Variants in GRIK4 observed in about 807,000 individuals in gnomAD.
GRIK4 encodes the protein glutamate ionotropic receptor kainate type subunit 4.
In GRIK4, 40 loss-of-function variants were observed where a neutral mutation model predicts 104.9. The observed-to-expected ratio is 0.38, with a 90% CI of 0.30 to 0.50. The LOEUF (loss-of-function observed/expected upper bound fraction) is 0.50. GRIK4 is among the 20% of genes least tolerant of loss of function. The probability of loss-of-function intolerance (pLI) is 0.93; values close to 1 mark genes in which losing one functional copy is unlikely to be tolerated. For synonymous variants in GRIK4, 485 were observed against 524.9 expected (o/e 0.92, Z 1.04); for missense variants, 1,047 against 1,308.1 (o/e 0.80, Z 3.08).
At chr11:120,530,964 T>G (rs1057501440) in intron 1 of GRIK4, among the ~76,000 whole-genome samples, 4 of 152,190 alleles carry the variant, frequency 2.6e-5, no homozygotes, top group African/African-American at 9.7e-5. Flanking sequence ...CGGTGTGACT[T>G]TGATCAAGTC....
At chr11:120,713,686 C>T (rs1413908857) in intron 3 of GRIK4, among the ~76,000 whole-genome samples, 3 of 152,084 alleles carry the variant, frequency 2.0e-5, no homozygotes, top group Non-Finnish European at 2.9e-5. Context: ...CTGGGAAACT[C>T]GGTGAGGTAG....
At chr11:120,899,246 G>A (rs1942666619) in intron 12 of GRIK4, among the ~76,000 whole-genome samples, 1 of 151,776 alleles carries the variant, frequency 6.6e-6, no homozygotes. Context: ...GCGAAACCCT[G>A]TCTCTACTAA....
chr11:120,815,794 G>T (rs1009032316), intron 5 of GRIK4, among the ~76,000 whole-genome samples: 2 of 152,280 alleles, frequency 1.3e-5, no homozygotes, highest in Admixed American at 1.3e-4. Flanking sequence ...TGATGGGCAT[G>T]GCAGGCCAAG....
intron 3 of GRIK4, among the ~76,000 whole-genome samples, chr11:120,748,049 C>T (rs1451929286): frequency 1.3e-5 from 2 of 152,202 alleles, no homozygotes; most frequent in Non-Finnish European, 2.9e-5. Context: ...TCAATATCCT[C>T]TCTAAGAAGC....
At position 120,513,782 on chromosome 11, in the gene GRIK4, G is replaced by A. The variant is rs1015830362; in HGVS notation, c.-159+1895G>A. On this transcript the variant is annotated intron_variant, in intron 1 of 20. Transcript: ENST00000527524. This position sits in a 1 kb window ranked among gnomAD's most constrained non-coding sequence, Gnocchi z 4.5. ...TGGTCCCTCCGGGTGGGGAAGAGGTGGATGCTCGGGAGGGGAGGTTGAGAG... is the reference window on the plus strand; with the variant it reads ...TGGTCCCTCCGGGTGGGGAAGAGGTAGATGCTCGGGAGGGGAGGTTGAGAG... Among the ~76,000 whole-genome samples, 1 of 152,170 alleles carries A rather than the reference G, an allele frequency of 6.6e-6. No individual in the cohort carries two copies. The highest frequency in any genetic ancestry group is 1.5e-5 in the Non-Finnish European group (1 of 68,028).
At chr11:120,839,212 T>C (rs1953655843) in intron 8 of GRIK4, among the ~76,000 whole-genome samples, 2 of 152,002 alleles carry the variant, frequency 1.3e-5, no homozygotes, top group Non-Finnish European at 2.9e-5. Flanking sequence ...ATTTCTTCTT[T>C]CTCTGAATCC....
intron 5 of GRIK4, among the ~76,000 whole-genome samples, chr11:120,816,311 G>A (rs1952956627): frequency 6.6e-6 from 1 of 152,048 alleles, no homozygotes; most frequent in South Asian, 2.1e-4. Flanking sequence ...GTGAGAAATT[G>A]GCCCCTTAGC....
chr11:120,829,271 C>T (rs534923358), intron 6 of GRIK4, among the ~76,000 whole-genome samples: 1 of 152,284 alleles, frequency 6.6e-6, no homozygotes, highest in South Asian at 2.1e-4. Flanking sequence ...TTGGATCAGA[C>T]ACCCAGACCT....
At chr11:120,979,300 A>G (rs568118288) in intron 19 of GRIK4, among the ~76,000 whole-genome samples, 30 of 152,308 alleles carry the variant, frequency 2.0e-4, no homozygotes, top group African/African-American at 6.7e-4. Flanking sequence ...TTTTTTGATT[A>G]GATTTTTAAC....
Position 120,939,399 on chromosome 11 carries a change from G to A in GRIK4, c.1477-948G>A, listed in dbSNP as rs1046676558. The stretch of plus-strand genomic sequence containing the variant: ...TTAAGGGGACCAGAAACTCTTCTTC[G>A]GGTCTGCTAATGACATCTGAAGTTT... On this transcript the variant is annotated intron_variant, in intron 13 of 20. Coordinates refer to ENST00000527524, the MANE Select transcript of GRIK4 (RefSeq NM_014619.5). This position sits in a 1 kb window ranked among gnomAD's most constrained non-coding sequence, Gnocchi z 5.6. 1.3e-5 allele frequency among the ~76,000 whole-genome samples: 2 copies of A among 152,116 alleles called. No homozygotes were observed. Among genetic ancestry groups the A allele is most frequent in the Non-Finnish European group, 2.9e-5 (2 of 68,018 alleles).
intron 1 of GRIK4, among the ~76,000 whole-genome samples, chr11:120,531,503 G>A (rs888728791): frequency 2.0e-5 from 3 of 152,186 alleles, no homozygotes; most frequent in Admixed American, 6.5e-5. Flanking sequence ...ACTGGATCAG[G>A]AAACTGAGAC....
chr11:120,855,897 G>C (rs1954094043), intron 8 of GRIK4, among the ~76,000 whole-genome samples: 1 of 152,216 alleles, frequency 6.6e-6, no homozygotes, highest in South Asian at 2.1e-4. Flanking sequence ...TTTCCCATTT[G>C]ACAAGTAGCT....
chr11:120,848,674 A>C (rs1953905640), intron 8 of GRIK4, among the ~76,000 whole-genome samples: 1 of 152,022 alleles, frequency 6.6e-6, no homozygotes, highest in Admixed American at 6.6e-5. Flanking sequence ...TCCAGGGGGG[A>C]AATGAGGCAT....
At chr11:120,654,594 C>T (rs1949673576) in intron 2 of GRIK4, among the ~76,000 whole-genome samples, 2 of 152,148 alleles carry the variant, frequency 1.3e-5, no homozygotes, top group Non-Finnish European at 2.9e-5. Context: ...AACTCCTGAC[C>T]TCACGTGATC....
At chr11:120,764,597 G>T (rs940113103) in intron 3 of GRIK4, among the ~76,000 whole-genome samples, 21 of 104,922 alleles carry the variant, frequency 2.0e-4, no homozygotes, top group Middle Eastern at 4.4e-3. Context: ...TTTTGTTTTT[G>T]TTTTTTTTTT....
chr11:120,647,954 A>G (rs1949565079), intron 1 of GRIK4, among the ~76,000 whole-genome samples: 1 of 152,196 alleles, frequency 6.6e-6, no homozygotes, highest in Non-Finnish European at 1.5e-5. Flanking sequence ...GCAGTGCCAT[A>G]GAGCTGTGAG....
intron 3 of GRIK4, among the ~76,000 whole-genome samples, chr11:120,723,129 C>T (rs1474389955): frequency 6.6e-6 from 1 of 152,234 alleles, no homozygotes; most frequent in Non-Finnish European, 1.5e-5. Flanking sequence ...GTTTAATGCT[C>T]ATCATTGGTT....
intron 1 of GRIK4, among the ~76,000 whole-genome samples, chr11:120,649,501 C>G (rs759651241): frequency 3.2e-4 from 49 of 152,178 alleles, no homozygotes; most frequent in Non-Finnish European, 5.9e-4. Flanking sequence ...CTCTTTGTCA[C>G]GAACAGCCGT....
At chr11:120,863,164 A>G (rs538148476) in intron 9 of GRIK4, among the ~76,000 whole-genome samples, 6 of 152,236 alleles carry the variant, frequency 3.9e-5, no homozygotes, top group Non-Finnish European at 8.8e-5. Flanking sequence ...ATGGAAGTAC[A>G]GTGATACATG....
Sources: allele counts gnomAD v4.1 joint callset (sites outside exome capture counted in the v4.1 genomes callset), GRCh38; gene constraint gnomAD v4.1.1; non-coding constraint Gnocchi (gnomAD v3.1); transcripts MANE v1.5; gene names NCBI Gene and HGNC (gene_info 2026-07-23, HGNC 2026-07-21).